DPYD: variants seen among roughly 807,000 people sequenced by gnomAD.
DPYD encodes dihydropyrimidine dehydrogenase [NADP(+)].
Under a neutral mutation model 116.2 loss-of-function variants are expected in DPYD, and 109 were observed. The ratio of observed to expected loss-of-function variants is 0.94; its 90% CI spans 0.80 to 1.10. The LOEUF (loss-of-function observed/expected upper bound fraction) is 1.10. Ranked by LOEUF, DPYD falls within the 50% of genes least tolerant of loss-of-function variation. The pLI, the probability that DPYD is intolerant of heterozygous loss-of-function variation, is 0.00. For missense variants in DPYD, 1,302 were observed against 1,254.5 expected, an observed-to-expected ratio of 1.04 and a Z score of -0.57; for synonymous variants, 440 against 432.0, an observed-to-expected ratio of 1.02 and a Z score of -0.23.
Position 97,679,193 on chromosome 1 carries a change from C to G in DPYD, c.763-11G>C, listed in dbSNP as rs1343047415. On this transcript the variant is annotated splice_polypyrimidine_tract_variant and intron_variant, in intron 7 of 22. Coordinates refer to ENST00000370192, the MANE Select transcript of DPYD (RefSeq NM_000110.4). ...TTTACCGCAAATTATCTATAAGAAA[C>G]AATATTTTGCATAAGAAAATTTGGC... 1 of 1,420,276 alleles carries G rather than the reference C, an allele frequency of 7.0e-7. No individual in the cohort carries two copies. Among genetic ancestry groups the G allele is most frequent in the Non-Finnish European group, 9.8e-7 (1 of 1,021,946 alleles). The allele number at this position is 1,420,276 out of a possible 1,614,324, so 88.0% of individuals were successfully genotyped here. A position where few individuals can be genotyped will look rare whatever the true frequency, so the allele number is the denominator to read the frequency against.
At chr1:97,139,734 G>T (rs1214968716) in intron 20 of DPYD, among the ~76,000 whole-genome samples, 1 of 152,136 alleles carries the variant, frequency 6.6e-6, no homozygotes, top group African/African-American at 2.4e-5. Flanking sequence ...AACTATGAAA[G>T]GAATGTTGGC....
At chr1:97,717,751 T>C (rs1046575109) in intron 5 of DPYD, among the ~76,000 whole-genome samples, 5 of 152,058 alleles carry the variant, frequency 3.3e-5, no homozygotes, top group Non-Finnish European at 5.9e-5. Context: ...CAACTCCATC[T>C]ACATTGCAGC....
intron 1 of DPYD, among the ~76,000 whole-genome samples, chr1:97,911,572 C>G (rs1346738890): frequency 1.3e-5 from 2 of 151,818 alleles, no homozygotes; most frequent in Non-Finnish European, 2.9e-5. Flanking sequence ...CCTTTCTTCT[C>G]TGAGTACCAG....
Position 97,872,796 on chromosome 1 carries a change from A to G in DPYD, c.150+10468T>C, listed in dbSNP as rs145963651. ...ATTTATCATCATCATCATTGTCACTACTCTGTGGAGAGGTCCTCAGCATCA... is the reference window on the plus strand; with the variant it reads ...ATTTATCATCATCATCATTGTCACTGCTCTGTGGAGAGGTCCTCAGCATCA... On this transcript the variant is annotated intron_variant, in intron 2 of 22. Transcript: ENST00000370192. Among the ~76,000 whole-genome samples the G allele has an allele frequency of 3.6e-3, 542 of 151,666 alleles. 2 individuals carry two copies. The highest frequency in any genetic ancestry group is 0.012 in the African/African-American group (506 of 41,372).
chr1:97,838,519 T>C (rs1042434531), intron 2 of DPYD, among the ~76,000 whole-genome samples: 1 of 152,218 alleles, frequency 6.6e-6, no homozygotes, highest in South Asian at 2.1e-4. Context: ...ATTGTGTGTT[T>C]CCTCGGAGTA....
chr1:97,478,898 G>A (rs1393908505), intron 13 of DPYD, among the ~76,000 whole-genome samples: 1 of 152,146 alleles, frequency 6.6e-6, no homozygotes, highest in African/African-American at 2.4e-5. Context: ...TTTATGTTAT[G>A]GAGATCTCTT....
chr1:97,577,739 G>T (rs1368705019), intron 10 of DPYD, among the ~76,000 whole-genome samples: 1 of 151,848 alleles, frequency 6.6e-6, no homozygotes, highest in Non-Finnish European at 1.5e-5. Context: ...AAATATTTTT[G>T]GACATTATAA....
intron 21 of DPYD, among the ~76,000 whole-genome samples, chr1:97,084,307 C>A (rs1343751255): frequency 6.6e-6 from 1 of 151,706 alleles, no homozygotes; most frequent in African/African-American, 2.4e-5. Flanking sequence ...ACCTTTCATT[C>A]CTAACTCCAC....
chr1:97,715,758 G>A (rs539220125), intron 5 of DPYD, among the ~76,000 whole-genome samples: 51 of 151,940 alleles, frequency 3.4e-4, no homozygotes, highest in Admixed American at 5.9e-4. Context: ...TCATCTTTTT[G>A]ATGACTGTTT....
chr1:97,382,320 G>C, intron 15 of DPYD, 73 bp downstream of exon 15: 2 of 843,188 alleles, frequency 2.4e-6, no homozygotes, highest in East Asian at 2.9e-5. Context: ...ATTTCTCATG[G>C]CAGCTCTTTA....
At chr1:97,295,409 T>G (rs1365380650) in intron 18 of DPYD, 3 of 151,724 alleles carry the variant, frequency 2.0e-5, no homozygotes, top group African/African-American at 7.3e-5. Context: ...CATATTAACT[T>G]AAATACTGAG....
intron 3 of DPYD, among the ~76,000 whole-genome samples, chr1:97,801,130 T>G (rs1434668066): frequency 6.6e-6 from 1 of 151,762 alleles, no homozygotes; most frequent in Non-Finnish European, 1.5e-5. Flanking sequence ...GAGGTCATGA[T>G]GGTGGAGCCA....
At chr1:97,581,220 A>G (rs1214739400) in intron 10 of DPYD, among the ~76,000 whole-genome samples, 4 of 148,724 alleles carry the variant, frequency 2.7e-5, no homozygotes, top group Admixed American at 6.8e-5. Flanking sequence ...CCAGCTACTC[A>G]GGATGCTGAG....
chr1:97,450,022 G>T, intron 14 of DPYD, 37 bp downstream of exon 14: 1 of 1,612,030 alleles, frequency 6.2e-7, no homozygotes. Flanking sequence ...ACCAACTTAT[G>T]CCAATTCTCT....
intron 13 of DPYD, among the ~76,000 whole-genome samples, chr1:97,470,914 C>T (rs1677610638): frequency 6.6e-6 from 1 of 152,034 alleles, no homozygotes; most frequent in African/African-American, 2.4e-5. Context: ...AGCTTGAACC[C>T]AGGAGGCGGA....
chr1:97,875,563 T>C (rs547703645), intron 2 of DPYD, among the ~76,000 whole-genome samples: 57 of 152,122 alleles, frequency 3.7e-4, no homozygotes, highest in African/African-American at 1.3e-3. Context: ...ATTCATACAA[T>C]GAAAGACTCC....
intron 10 of DPYD, among the ~76,000 whole-genome samples, chr1:97,586,791 T>C (rs1352808760): frequency 2.0e-5 from 3 of 151,842 alleles, no homozygotes; most frequent in South Asian, 4.2e-4. Context: ...TTTATACTCA[T>C]GTCTTGAATA....
chr1:97,728,318 C>T (rs751699366), intron 4 of DPYD, among the ~76,000 whole-genome samples: 4 of 151,974 alleles, frequency 2.6e-5, no homozygotes, highest in Non-Finnish European at 4.4e-5. Flanking sequence ...TCTATAGGCA[C>T]GACATGTGCC....
chr1:97,262,712 C>CT (rs898158800), intron 18 of DPYD, among the ~76,000 whole-genome samples: 1 of 151,734 alleles, frequency 6.6e-6, no homozygotes, highest in African/African-American at 2.4e-5. Context: ...ATTTCTTTTT[C>CT]TTTTTTTAGG....
Sources: gnomAD v4.1 joint callset for allele counts (sites outside exome capture counted in the v4.1 genomes callset) on GRCh38, gnomAD v4.1.1 for gene constraint, MANE v1.5 for transcripts, NCBI Gene and HGNC (gene_info 2026-07-23, HGNC 2026-07-21) for gene names.